The following SEMA3A variants were observed in gnomAD, a reference collection of about 807,000 sequenced individuals.
SEMA3A encodes the protein semaphorin-3A.
In SEMA3A, 29 loss-of-function variants were observed where a neutral mutation model predicts 97.9. The observed-to-expected ratio is 0.30, with a 90% CI of 0.22 to 0.40. The LOEUF (loss-of-function observed/expected upper bound fraction) is 0.40. SEMA3A is among the 10% of genes least tolerant of loss of function. SEMA3A has a pLI of 1.00. For missense variants in SEMA3A, 763 were observed against 951.3 expected (o/e 0.80, Z 2.60); for synonymous variants, 321 against 323.7 (o/e 0.99, Z 0.09).
At chr7:84,220,418 C>T (rs189753470) in intron 3 of SEMA3A, among the ~76,000 whole-genome samples, 1 of 152,224 alleles carries the variant, frequency 6.6e-6, no homozygotes, top group African/African-American at 2.4e-5. Context: ...TTGACCTCAC[C>T]CCATGAATTG....
intron 3 of SEMA3A, among the ~76,000 whole-genome samples, chr7:84,279,205 T>C (rs1800379378): frequency 1.3e-5 from 2 of 152,096 alleles, no homozygotes; most frequent in Non-Finnish European, 2.9e-5. Context: ...GAAATGTAAC[T>C]TTCTAGTGGA....
chr7:84,131,553 T>C (rs987859855), intron 2 of SEMA3A, among the ~76,000 whole-genome samples: 3 of 152,074 alleles, frequency 2.0e-5, no homozygotes, highest in Non-Finnish European at 4.4e-5. Context: ...CCTGAACATG[T>C]GTTTTTGCCT....
intron 4 of SEMA3A, among the ~76,000 whole-genome samples, chr7:84,068,630 CAAT>C (rs770495615): frequency 1.3e-4 from 20 of 152,076 alleles, no homozygotes; most frequent in Middle Eastern, 6.8e-3. Context: ...TTCTTGTACT[CAAT>C]AAGACATTTT....
intron 4 of SEMA3A, among the ~76,000 whole-genome samples, chr7:84,067,494 A>T (rs200490412): frequency 0.05 from 7,565 of 151,206 alleles, 292 homozygotes; most frequent in East Asian, 0.19. Context: ...CAACCTACAA[A>T]ATGGGAGAAA....
At chr7:84,206,970 A>G (rs1798509392) in intron 3 of SEMA3A, among the ~76,000 whole-genome samples, 3 of 152,210 alleles carry the variant, frequency 2.0e-5, no homozygotes, top group Admixed American at 6.5e-5. Context: ...AATTATTTAC[A>G]AAGTCTTCCA....
intron 2 of SEMA3A, among the ~76,000 whole-genome samples, chr7:84,352,980 C>T (rs189051479): frequency 6.6e-6 from 1 of 151,846 alleles, no homozygotes; most frequent in East Asian, 1.9e-4. Flanking sequence ...CCTTAGTATC[C>T]ATGAGGGATT....
chr7:84,278,237 C>T (rs1800358756), intron 3 of SEMA3A, among the ~76,000 whole-genome samples: 1 of 152,100 alleles, frequency 6.6e-6, no homozygotes, highest in Non-Finnish European at 1.5e-5. Flanking sequence ...TTTGCTCCAG[C>T]TCTCAATAAG....
chr7:83,962,457 TTATA>T (rs1788511370), intron 16 of SEMA3A, among the ~76,000 whole-genome samples: 2 of 152,110 alleles, frequency 1.3e-5, no homozygotes, highest in Admixed American at 1.3e-4. Flanking sequence ...TATGATGGGA[TTATA>T]TAGTTTTAAG....
At chr7:83,965,627 C>CATATATATATATATATATAT (rs869210450) in intron 15 of SEMA3A, among the ~76,000 whole-genome samples, 3 of 25,496 alleles carry the variant, frequency 1.2e-4, no homozygotes, top group African/African-American at 3.0e-4. Context: ...CCAATGGGTG[C>CATATATATATATATATATAT]ATATATATAT....
chr7:84,347,895 G>A (rs893158915), intron 2 of SEMA3A, among the ~76,000 whole-genome samples: 14 of 152,112 alleles, frequency 9.2e-5, no homozygotes, highest in Non-Finnish European at 1.8e-4. Context: ...CAGAGTGATG[G>A]ACATGTTTCA....
At chr7:83,966,041 T>C (rs1788682956) in intron 15 of SEMA3A, among the ~76,000 whole-genome samples, 1 of 152,010 alleles carries the variant, frequency 6.6e-6, no homozygotes, top group Non-Finnish European at 1.5e-5. Context: ...TTAATCATTC[T>C]AGTTAGTCCA....
intron 2 of SEMA3A, among the ~76,000 whole-genome samples, chr7:84,351,199 T>G (rs1802430486): frequency 6.6e-6 from 1 of 151,982 alleles, no homozygotes; most frequent in South Asian, 2.1e-4. Flanking sequence ...ATGCCAACAT[T>G]TCTAATGATT....
intron 2 of SEMA3A, among the ~76,000 whole-genome samples, chr7:84,323,543 C>T (rs1457192737): frequency 6.6e-6 from 1 of 151,482 alleles, no homozygotes; most frequent in Non-Finnish European, 1.5e-5. Context: ...TTGCAATGTA[C>T]AAAGAGTGAA....
chr7:84,410,954 G>T lies in SEMA3A; in HGVS notation c.-245-39054C>A, dbSNP rs527363731. On this transcript the variant is annotated intron_variant, in intron 1 of 3. Transcript: ENST00000424555. ...CTTACTTCAGGTTTTTCTTGTTGTC[G>T]TTGTCGGGGGATTGTAACTTTTTAT... is the stretch of plus-strand genomic sequence containing the variant. Among the ~76,000 whole-genome samples, 3 of 152,060 alleles carry T rather than the reference G, an allele frequency of 2.0e-5. No individual in the cohort carries two copies. In the South Asian group the frequency reaches 6.2e-4, roughly 32 times the overall value.
chr7:84,373,119 C>T (rs192570736), intron 1 of SEMA3A, among the ~76,000 whole-genome samples: 67 of 152,260 alleles, frequency 4.4e-4, no homozygotes, highest in Non-Finnish European at 8.5e-4. Context: ...TGGAGAAGCC[C>T]TTGCTAAGTT....
At chr7:84,146,429 T>C (rs998077526) in intron 1 of SEMA3A, among the ~76,000 whole-genome samples, 2 of 150,746 alleles carry the variant, frequency 1.3e-5, no homozygotes, top group South Asian at 2.1e-4. Context: ...AATAACTTTC[T>C]GGAAAAATTG....
intron 3 of SEMA3A, among the ~76,000 whole-genome samples, chr7:84,229,408 CT>C (rs1208865471): frequency 6.6e-6 from 1 of 152,124 alleles, no homozygotes; most frequent in Non-Finnish European, 1.5e-5. Flanking sequence ...TAAACATACA[CT>C]TTTTCCTTTG....
chr7:84,387,041 G>A (rs1393497712), intron 1 of SEMA3A, among the ~76,000 whole-genome samples: 1 of 151,922 alleles, frequency 6.6e-6, no homozygotes, highest in African/African-American at 2.4e-5. Context: ...GTCAATTATA[G>A]CTTATTAGCT....
At chr7:84,397,051 G>T (rs554585027) in intron 1 of SEMA3A, among the ~76,000 whole-genome samples, 1 of 151,998 alleles carries the variant, frequency 6.6e-6, no homozygotes, top group African/African-American at 2.4e-5. Flanking sequence ...GGCAAAGAAA[G>T]CACAAAAATA....
Sources: allele counts gnomAD v4.1 joint callset (sites outside exome capture counted in the v4.1 genomes callset), GRCh38; gene constraint gnomAD v4.1.1; transcripts MANE v1.5; gene names NCBI Gene and HGNC (gene_info 2026-07-23, HGNC 2026-07-21).